CDH23: variants seen among roughly 807,000 people sequenced by gnomAD.
CDH23 encodes cadherin-23.
A neutral mutation model predicts 317.1 loss-of-function variants in CDH23; 189 were observed. The ratio of observed to expected loss-of-function variants is 0.60; its 90% CI spans 0.53 to 0.67. CDH23 has a LOEUF of 0.67. Ranked by LOEUF, CDH23 falls within the 30% of genes least tolerant of loss-of-function variation. The pLI, the probability that CDH23 is intolerant of heterozygous loss-of-function variation, is 0.00. For missense variants in CDH23, 4,401 were observed against 4,592.4 expected (o/e 0.96, Z 1.20); for synonymous variants, 1,839 against 1,876.8 (o/e 0.98, Z 0.52).
chr10:71,645,627 A>G, intron 12 of CDH23: 1 of 753,474 alleles, frequency 1.3e-6, no homozygotes, highest in Non-Finnish European at 2.4e-6. Context: ...GAGCCAGAGG[A>G]GGTTTCCAGA....
intron 18 of CDH23, 43 bp downstream of exon 18, chr10:71,682,615 G>A (rs759327662): frequency 3.1e-6 from 5 of 1,604,596 alleles, no homozygotes; most frequent in East Asian, 2.2e-5. Context: ...TAGTGTAAGG[G>A]ATGGTGAGTG....
intron 17 of CDH23, among the ~76,000 whole-genome samples, chr10:71,680,367 A>C (rs1416714430): frequency 3.3e-5 from 5 of 152,188 alleles, no homozygotes; most frequent in African/African-American, 1.2e-4. Flanking sequence ...GGCAGAAGGA[A>C]TCGATGTGCG....
chr10:71,456,296 C>T (rs746583410), intron 3 of CDH23, among the ~76,000 whole-genome samples: 4 of 151,542 alleles, frequency 2.6e-5, no homozygotes, highest in Admixed American at 6.6e-5. Flanking sequence ...ACTTTTCTCT[C>T]CCTTCTAGGA....
At chr10:71,790,577 C>T in intron 46 of CDH23, among the ~76,000 whole-genome samples, 164 bp downstream of exon 46, 1 of 152,138 alleles carries the variant, frequency 6.6e-6, no homozygotes, top group Non-Finnish European at 1.5e-5. Context: ...TTATATCACC[C>T]AGTGGCCTGG....
In CDH23 at chr10:71,707,448, T is replaced by C. The variant is rs373587866; in HGVS notation, c.3106+399T>C. On this transcript the variant is annotated intron_variant, in intron 26 of 69. Coordinates refer to ENST00000224721, the MANE Select transcript of CDH23 (RefSeq NM_022124.6). ...TCCTTCCTTGGGGACCTGTTGAGAA[T>C]TCCCACCTGTTTAGAGGCAGATGGT... 35 of 1,221,098 alleles carry C rather than the reference T, an allele frequency of 2.9e-5. No homozygotes were observed. In the East Asian group the frequency reaches 9.5e-4, roughly 33 times the overall value. 75.6% of individuals were successfully genotyped at this position (1,221,098 alleles called of 1,614,324 possible).
At chr10:71,763,555 G>T in intron 38 of CDH23, among the ~76,000 whole-genome samples, 1 of 152,218 alleles carries the variant, frequency 6.6e-6, no homozygotes, top group East Asian at 1.9e-4. Flanking sequence ...CAGCCAGGAG[G>T]GAGGCAGCCT....
intron 6 of CDH23, among the ~76,000 whole-genome samples, chr10:71,559,878 C>T (rs1334709285): frequency 2.0e-5 from 3 of 152,244 alleles, no homozygotes; most frequent in Non-Finnish European, 4.4e-5. Flanking sequence ...GCAGAGATGC[C>T]GGAGTATGGG....
chr10:71,455,454 T>C (rs936635273), intron 3 of CDH23, among the ~76,000 whole-genome samples: 2 of 152,104 alleles, frequency 1.3e-5, no homozygotes, highest in South Asian at 2.1e-4. Context: ...GATAGATAGA[T>C]TAGATAGATA....
At chr10:71,806,346 ACT>A in intron 57 of CDH23, 65 bp downstream of exon 57, 1 of 1,087,972 alleles carries the variant, frequency 9.2e-7, no homozygotes, top group Non-Finnish European at 1.4e-6. Flanking sequence ...GCAAGCACAC[ACT>A]CTCCTATATA....
chr10:71,662,567 T>C (rs766208721), intron 14 of CDH23, among the ~76,000 whole-genome samples: 1 of 152,302 alleles, frequency 6.6e-6, no homozygotes, highest in Non-Finnish European at 1.5e-5. Flanking sequence ...GGGGGTTGAC[T>C]GGACTGTCTT....
intron 7 of CDH23, among the ~76,000 whole-genome samples, chr10:71,569,920 C>T (rs571993541): frequency 2.6e-5 from 4 of 151,710 alleles, no homozygotes; most frequent in African/African-American, 4.8e-5. Flanking sequence ...ATGGGGGTCT[C>T]GCTATGTTGT....
chr10:71,518,200 A>G (rs1854451880), intron 6 of CDH23, among the ~76,000 whole-genome samples: 1 of 152,152 alleles, frequency 6.6e-6, no homozygotes, highest in Admixed American at 6.5e-5. Flanking sequence ...TTTTATATAT[A>G]AGAAACTGAG....
At chr10:71,804,216 C>T (rs1419862228) in intron 55 of CDH23, among the ~76,000 whole-genome samples, 1 of 152,158 alleles carries the variant, frequency 6.6e-6, no homozygotes, top group Non-Finnish European at 1.5e-5. Context: ...CACACACGCC[C>T]CTTCCATCTG....
intron 52 of CDH23, among the ~76,000 whole-genome samples, chr10:71,800,202 C>A (rs1187479539): frequency 6.6e-6 from 1 of 152,214 alleles, no homozygotes; most frequent in African/African-American, 2.4e-5. Context: ...TGGCCTAGGT[C>A]TGGTTGGTCA....
intron 1 of CDH23, among the ~76,000 whole-genome samples, chr10:71,438,712 G>A (rs190053836): frequency 3.2e-4 from 49 of 152,264 alleles, no homozygotes; most frequent in African/African-American, 1.1e-3. Flanking sequence ...GTCACTTATT[G>A]ACAAGAGAGA....
chr10:71,599,248 A>G (rs1291254170), intron 9 of CDH23, among the ~76,000 whole-genome samples: 1 of 152,102 alleles, frequency 6.6e-6, no homozygotes, highest in Non-Finnish European at 1.5e-5. Context: ...CATTGCAGCT[A>G]TTGTTGAAGG....
At chr10:71,477,459 G>A (rs560034867) in intron 3 of CDH23, among the ~76,000 whole-genome samples, 9 of 152,140 alleles carry the variant, frequency 5.9e-5, no homozygotes, top group African/African-American at 1.2e-4. Flanking sequence ...GTGAGCCACC[G>A]CGCCCAGCCC....
At chr10:71,599,990 CTTTTTTTT>C (rs1174206523) in intron 9 of CDH23, among the ~76,000 whole-genome samples, 1 of 109,520 alleles carries the variant, frequency 9.1e-6, no homozygotes, top group Non-Finnish European at 1.8e-5. Flanking sequence ...AATGTCTTTC[CTTTTTTTT>C]TTTTTTTTTT....
At chr10:71,587,144 C>G (rs1320598966) in intron 9 of CDH23, among the ~76,000 whole-genome samples, 1 of 152,228 alleles carries the variant, frequency 6.6e-6, no homozygotes, top group Non-Finnish European at 1.5e-5. Flanking sequence ...GCTCATGAAA[C>G]ATGCTTAGGG....
Sources: allele counts gnomAD v4.1 joint callset (sites outside exome capture counted in the v4.1 genomes callset), GRCh38; gene constraint gnomAD v4.1.1; transcripts MANE v1.5; gene names NCBI Gene and HGNC (gene_info 2026-07-23, HGNC 2026-07-21).